Variants in SSH2 observed in about 807,000 individuals in gnomAD.
The protein encoded by SSH2 is protein phosphatase Slingshot homolog 2.
In SSH2, 37 loss-of-function variants were observed where a neutral mutation model predicts 135.2. The observed-to-expected ratio is 0.27, with a 90% CI of 0.21 to 0.36. The LOEUF (loss-of-function observed/expected upper bound fraction) is 0.36. SSH2 is among the 10% of genes least tolerant of loss of function. The probability of loss-of-function intolerance (pLI) is 1.00; values close to 1 mark genes in which losing one functional copy is unlikely to be tolerated. For synonymous variants in SSH2, 628 were observed against 646.2 expected (o/e 0.97, Z 0.43); for missense variants, 1,408 against 1,765.3 (o/e 0.80, Z 3.63).
chr17:29,679,856 A>G (rs1169866890), intron 6 of SSH2, among the ~76,000 whole-genome samples: 1 of 152,212 alleles, frequency 6.6e-6, no homozygotes, highest in Non-Finnish European at 1.5e-5. Flanking sequence ...CTAAAATGTA[A>G]TAGTCATTAC....
intron 3 of SSH2, among the ~76,000 whole-genome samples, chr17:29,779,809 T>TAAA (rs1567969193): frequency 9.3e-5 from 1 of 10,764 alleles, no homozygotes; most frequent in African/African-American, 3.7e-4. Flanking sequence ...AGACTCTGTC[T>TAAA]CAAAAAAAAA....
rs189632183 is a variant in SSH2 at position 29,755,951 on chromosome 17, G to T, written c.188+37943C>A. Among the ~76,000 whole-genome samples, 23 of 143,944 alleles carry T rather than the reference G, an allele frequency of 1.6e-4. No individual in the cohort carries two copies. In the East Asian group the frequency reaches 5.2e-3, roughly 33 times the overall value. The allele number at this position is 143,944 out of a possible 152,430, so 94.4% of individuals were successfully genotyped here. A position where few individuals can be genotyped will look rare whatever the true frequency, so the allele number is the denominator to read the frequency against. ...GCTGGGATTACAGGGGTGAGCCACCGCGCCAGCTAAATTTTATTTTCAAAG... is the reference window on the plus strand; with the variant it reads ...GCTGGGATTACAGGGGTGAGCCACCTCGCCAGCTAAATTTTATTTTCAAAG... On this transcript the variant is annotated intron_variant, in intron 3 of 15. Transcript: ENST00000540801.
intron 14 of SSH2, among the ~76,000 whole-genome samples, chr17:29,637,073 G>A (rs541859949): frequency 2.6e-5 from 4 of 152,240 alleles, no homozygotes; most frequent in Admixed American, 6.5e-5. Context: ...GGCTAAACAA[G>A]CCCTCTCATA....
chr17:29,761,082 G>A (rs2041278255), intron 3 of SSH2: 8 of 1,281,592 alleles, frequency 6.2e-6, no homozygotes, highest in Non-Finnish European at 7.1e-6. Flanking sequence ...GGATGCTGGG[G>A]AAAGCGGCTG....
intron 2 of SSH2, among the ~76,000 whole-genome samples, chr17:29,803,518 A>G (rs772911686): frequency 9.9e-5 from 15 of 152,258 alleles, no homozygotes; most frequent in Non-Finnish European, 1.6e-4. Flanking sequence ...AGTCATCCTA[A>G]AGGCTAGGCT....
intron 3 of SSH2, among the ~76,000 whole-genome samples, chr17:29,723,557 T>C (rs1238122624): frequency 6.6e-6 from 1 of 152,182 alleles, no homozygotes; most frequent in African/African-American, 2.4e-5. Flanking sequence ...ACCTCTTCTC[T>C]GGTACATGTG....
At chr17:29,761,776 G>A (rs1455145231) in intron 3 of SSH2, among the ~76,000 whole-genome samples, 2 of 151,844 alleles carry the variant, frequency 1.3e-5, no homozygotes, top group African/African-American at 4.8e-5. Flanking sequence ...AAATTCACAA[G>A]TGCAACAAAT....
chr17:29,824,404 T>C (rs1200204546), intron 2 of SSH2, among the ~76,000 whole-genome samples: 2 of 152,128 alleles, frequency 1.3e-5, no homozygotes, highest in African/African-American at 4.8e-5. Flanking sequence ...CAACAGGCCC[T>C]GAGAAAAACA....
chr17:29,778,502 T>C (rs981133958), intron 3 of SSH2, among the ~76,000 whole-genome samples: 13 of 152,024 alleles, frequency 8.6e-5, no homozygotes, highest in South Asian at 2.1e-4. Flanking sequence ...CAGCCGGGCA[T>C]GGTGATGTGC....
chr17:29,802,044 T>A (rs1399812116), intron 2 of SSH2, among the ~76,000 whole-genome samples: 1 of 152,192 alleles, frequency 6.6e-6, no homozygotes, highest in Non-Finnish European at 1.5e-5. Flanking sequence ...TTATTTTTTT[T>A]GAAAGATGAG....
chr17:29,862,971 G>A (rs887129254), intron 1 of SSH2, among the ~76,000 whole-genome samples: 10 of 152,092 alleles, frequency 6.6e-5, no homozygotes, highest in Non-Finnish European at 2.9e-5. Context: ...TGTAGGCAGG[G>A]GTTGGCAAAC....
intron 3 of SSH2, among the ~76,000 whole-genome samples, chr17:29,718,594 G>A (rs1284012000): frequency 1.3e-5 from 2 of 151,854 alleles, no homozygotes; most frequent in East Asian, 3.9e-4. Flanking sequence ...TTAGCTGGGC[G>A]TGGTGGCAGG....
intron 11 of SSH2, among the ~76,000 whole-genome samples, chr17:29,657,584 T>TG (rs2036842557): frequency 1.4e-5 from 2 of 142,880 alleles, no homozygotes; most frequent in Admixed American, 7.0e-5. Flanking sequence ...GTTTTTTTTT[T>TG]TTTTTTTTTT....
intron 3 of SSH2, 79 bp from the exon 4 acceptor site, chr17:29,703,141 T>C: frequency 2.1e-6 from 2 of 955,712 alleles, no homozygotes; most frequent in East Asian, 2.4e-5. Context: ...ACTTTTGGAT[T>C]CTCTCTTCTC....
At chr17:29,723,167 T>G in intron 3 of SSH2, among the ~76,000 whole-genome samples, 1 of 152,082 alleles carries the variant, frequency 6.6e-6, no homozygotes, top group Admixed American at 6.6e-5. Flanking sequence ...TATGGTACAA[T>G]ATACTGTATA....
At chr17:29,737,035 C>T (rs1359198222) in intron 3 of SSH2, among the ~76,000 whole-genome samples, 2 of 123,146 alleles carry the variant, frequency 1.6e-5, no homozygotes, top group African/African-American at 6.3e-5. Flanking sequence ...GGAGGCGGAG[C>T]TTGCAGTGAG....
At chr17:29,759,107 T>G (rs2041214222) in intron 3 of SSH2, among the ~76,000 whole-genome samples, 1 of 152,126 alleles carries the variant, frequency 6.6e-6, no homozygotes, top group African/African-American at 2.4e-5. Context: ...TGGAGTGTGG[T>G]GGCATGATCA....
At chr17:29,657,406 A>G (rs1034183266) in intron 11 of SSH2, among the ~76,000 whole-genome samples, 1 of 151,230 alleles carries the variant, frequency 6.6e-6, no homozygotes, top group African/African-American at 2.4e-5. Flanking sequence ...AGTAGCTGGG[A>G]TTACAGGTGC....
chr17:29,768,918 A>C (rs544326640), intron 3 of SSH2, among the ~76,000 whole-genome samples: 1 of 152,162 alleles, frequency 6.6e-6, no homozygotes, highest in Non-Finnish European at 1.5e-5. Context: ...CAGGTGCTCT[A>C]TTAAGAGTTT....
Sources: allele counts gnomAD v4.1 joint callset (sites outside exome capture counted in the v4.1 genomes callset), GRCh38; gene constraint gnomAD v4.1.1; transcripts MANE v1.5; gene names NCBI Gene and HGNC (gene_info 2026-07-23, HGNC 2026-07-21).